Variants in GNRHR observed in about 807,000 individuals in gnomAD.
GNRHR encodes gonadotropin releasing hormone receptor.
GNRHR carries 14 observed loss-of-function variants against 28.1 expected under a neutral mutation model. The ratio of observed to expected loss-of-function variants is 0.50; its 90% CI spans 0.33 to 0.78. The LOEUF is 0.78. GNRHR is among the 30% of genes least tolerant of loss of function. The pLI, the probability that GNRHR is intolerant of heterozygous loss-of-function variation, is 0.02. For synonymous variants in GNRHR, 141 were observed against 140.5 expected (o/e 1.00, Z -0.02); for missense variants, 366 against 382.1 (o/e 0.96, Z 0.35).
At chr4:67,752,105 C>A (rs977876235) in intron 1 of GNRHR, among the ~76,000 whole-genome samples, 3 of 152,104 alleles carry the variant, frequency 2.0e-5, no homozygotes, top group African/African-American at 7.2e-5. Context: ...TTGATACCAC[C>A]CTAGCCCCCT....
At chr4:67,740,988 T>A (rs1731648883) in intron 2 of GNRHR, among the ~76,000 whole-genome samples, 1 of 152,226 alleles carries the variant, frequency 6.6e-6, no homozygotes, top group Admixed American at 6.5e-5. Context: ...ACTCAAACTC[T>A]TAACATATAA....
intron 1 of GNRHR, among the ~76,000 whole-genome samples, chr4:67,750,760 C>CAAT: frequency 6.6e-6 from 1 of 151,904 alleles, no homozygotes; most frequent in East Asian, 1.9e-4. Context: ...TCGGTATGTG[C>CAAT]ACCAAAGGAT....
chr4:67,744,047 A>G (rs1731710666), intron 2 of GNRHR, among the ~76,000 whole-genome samples: 1 of 152,234 alleles, frequency 6.6e-6, no homozygotes, highest in Non-Finnish European at 1.5e-5. Flanking sequence ...ATTTTACTAA[A>G]GCAAAAAAGG....
chr4:67,752,340 T>A (rs1339862356), intron 1 of GNRHR, among the ~76,000 whole-genome samples: 1 of 151,882 alleles, frequency 6.6e-6, no homozygotes, highest in African/African-American at 2.4e-5. Context: ...GCCTCCCAAG[T>A]AGCTGGGACC....
At chr4:67,745,722 A>G (rs936409476) in intron 1 of GNRHR, among the ~76,000 whole-genome samples, 3 of 152,108 alleles carry the variant, frequency 2.0e-5, no homozygotes, top group East Asian at 1.9e-4. Context: ...AAATAGCTAG[A>G]TAAGTATGTT....
Position 67,751,601 on chromosome 4 carries a change from A to G in GNRHR, c.522+2213T>C, listed in dbSNP as rs185245822. 9.2e-5 allele frequency: 14 copies of G among 152,310 alleles called. No individual in the cohort carries two copies. The East Asian group carries it at 2.5e-3, about 27-fold the overall frequency. The allele number at this position is 152,310 out of a possible 1,614,324, so 9.4% of individuals were successfully genotyped here. ...TTTTGCTACATCAAGTTAGATAAATATTTGGCATTATCTTTCTATTATTGC... is the reference window on the plus strand; with the variant it reads ...TTTTGCTACATCAAGTTAGATAAATGTTTGGCATTATCTTTCTATTATTGC... On this transcript the variant is annotated intron_variant, in intron 1 of 2. Coordinates refer to ENST00000226413, the MANE Select transcript of GNRHR (RefSeq NM_000406.3).
intron 2 of GNRHR, among the ~76,000 whole-genome samples, chr4:67,744,346 C>A (rs1054842420): frequency 1.3e-5 from 2 of 152,050 alleles, no homozygotes; most frequent in Non-Finnish European, 2.9e-5. Flanking sequence ...TTTCATGGTG[C>A]AAATGTAGAA....
At chr4:67,748,616 G>C (rs1362025959) in intron 1 of GNRHR, among the ~76,000 whole-genome samples, 1 of 151,858 alleles carries the variant, frequency 6.6e-6, no homozygotes, top group African/African-American at 2.4e-5. Context: ...GAGTGTAGTA[G>C]TTAAAAGAGC....
At position 67,740,732 on chromosome 4, in the gene GNRHR, A is replaced by T; in HGVS notation, c.743-8T>A. On this transcript the variant is annotated splice_region_variant and splice_polypyrimidine_tract_variant and intron_variant, in intron 2 of 2. Coordinates refer to ENST00000226413, the MANE Select transcript of GNRHR (RefSeq NM_000406.3). ...ACTGATTCAGTTGTAGTTCTGTTGG[A>T]TAGAGAAAAGAGCAGGTGTTTAAAG... 6.2e-7 allele frequency: 1 copy of T among 1,608,310 alleles called. No homozygotes were observed. Among genetic ancestry groups the T allele is most frequent in the Non-Finnish European group, 8.5e-7 (1 of 1,174,726 alleles).
intron 1 of GNRHR, among the ~76,000 whole-genome samples, chr4:67,747,669 A>G (rs1731780273): frequency 6.6e-6 from 1 of 152,106 alleles, no homozygotes; most frequent in Non-Finnish European, 1.5e-5. Context: ...ATGACTTTGA[A>G]ACATAGTACT....
intron 1 of GNRHR, among the ~76,000 whole-genome samples, chr4:67,745,928 CAAAG>C (rs1731745450): frequency 6.6e-6 from 1 of 151,966 alleles, no homozygotes; most frequent in Non-Finnish European, 1.5e-5. Flanking sequence ...TCATGAAACA[CAAAG>C]AAAGACTGAG....
intron 1 of GNRHR, among the ~76,000 whole-genome samples, chr4:67,746,658 A>C (rs983314197): frequency 6.6e-6 from 1 of 151,982 alleles, no homozygotes; most frequent in Non-Finnish European, 1.5e-5. Flanking sequence ...TGAATTAGAA[A>C]ATTTTAATTA....
chr4:67,743,114 G>T (rs1731690560), intron 2 of GNRHR, among the ~76,000 whole-genome samples: 1 of 151,930 alleles, frequency 6.6e-6, no homozygotes, highest in Non-Finnish European at 1.5e-5. Context: ...CACCACACCC[G>T]GCTAATTTTT....
In GNRHR at chr4:67,740,346, A is replaced by G. The variant is rs979640127; in HGVS notation, c.*134T>C. On this transcript the variant is annotated 3_prime_UTR_variant, in exon 3 of 3. Coordinates refer to ENST00000226413, the MANE Select transcript of GNRHR (RefSeq NM_000406.3). ...TGAGGCTCTGAAGACTGAGTTTCTA[A>G]AAGAATGATAACTTAAGTGTAAATC... 1.4e-6 allele frequency: 1 copy of G among 715,140 alleles called. No individual in the cohort carries two copies. The highest frequency in any genetic ancestry group is 2.4e-6 in the Non-Finnish European group (1 of 410,680). The allele number at this position is 715,140 out of a possible 1,614,324, so 44.3% of individuals were successfully genotyped here.
chr4:67,740,651 A>T lies in GNRHR; in HGVS notation c.816T>A (p.Phe272Leu). The change falls in exon 3 of 3, where the codon TTT (phenylalanine) becomes TTA (leucine). Residue 272 changes from phenylalanine (F) to leucine (L), a missense_variant. Transcript: ENST00000226413. Reference sequence around the variant, plus strand: ...TCCAGCAGACAGTAAATGAAGTGGCAAATGCAACCGTCATTTTTAGAGTCT... The same window carrying T: ...TCCAGCAGACAGTAAATGAAGTGGCTAATGCAACCGTCATTTTTAGAGTCT... The part of the protein sequence containing the change: ...RLKTLKMTVA[F>L]ATSFTVCWTP... 6.2e-7 allele frequency: 1 copy of T among 1,608,020 alleles called. No individual in the cohort carries two copies. The highest frequency in any genetic ancestry group is 8.5e-7 in the Non-Finnish European group (1 of 1,174,388).
intron 2 of GNRHR, among the ~76,000 whole-genome samples, chr4:67,743,003 A>G (rs1731687437): frequency 6.6e-6 from 1 of 151,384 alleles, no homozygotes; most frequent in African/African-American, 2.4e-5. Flanking sequence ...CCCAGGCTGG[A>G]GTGCAATGGT....
chr4:67,740,338 A>G lies in GNRHR; in HGVS notation c.*142T>C, dbSNP rs969510883. The G allele has an allele frequency of 1.3e-5, 9 of 681,294 alleles. No individual in the cohort carries two copies. The highest frequency in any genetic ancestry group is 2.3e-5 in the Non-Finnish European group (9 of 386,534). 42.2% of individuals were successfully genotyped at this position (681,294 alleles called of 1,614,324 possible). ...TTAATAATTGAGGCTCTGAAGACTG[A>G]GTTTCTAAAAGAATGATAACTTAAG... On this transcript the variant is annotated 3_prime_UTR_variant, in exon 3 of 3. Transcript: ENST00000226413.
chr4:67,752,834 G>T (rs1170085751), intron 1 of GNRHR, among the ~76,000 whole-genome samples: 2 of 151,450 alleles, frequency 1.3e-5, no homozygotes, highest in East Asian at 1.9e-4. Flanking sequence ...TAACCATCTG[G>T]TCAGTAAAAA....
At chr4:67,743,726 G>T (rs1731704592) in intron 2 of GNRHR, among the ~76,000 whole-genome samples, 1 of 152,000 alleles carries the variant, frequency 6.6e-6, no homozygotes, top group African/African-American at 2.4e-5. Context: ...CTTATAAAAT[G>T]GAATCTCTCG....
Sources: gnomAD v4.1 joint callset for allele counts (sites outside exome capture counted in the v4.1 genomes callset) on GRCh38, gnomAD v4.1.1 for gene constraint, MANE v1.5 for transcripts, NCBI Gene and HGNC (gene_info 2026-07-23, HGNC 2026-07-21) for gene names.